The following ZMAT4 variants were observed in gnomAD, a reference collection of about 807,000 sequenced individuals.
ZMAT4 encodes zinc finger matrin-type 4, also known as zinc finger matrin-type protein 4.
Under a neutral mutation model 28.7 loss-of-function variants are expected in ZMAT4, and 17 were observed. That is an observed-to-expected ratio of 0.59 (90% CI 0.41 to 0.89). The LOEUF is 0.89. Among genes scored for constraint, ZMAT4 ranks in the 40% least tolerant of loss-of-function variants. The probability of loss-of-function intolerance (pLI) is 0.00; values close to 1 mark genes in which losing one functional copy is unlikely to be tolerated. For missense variants in ZMAT4, 240 were observed against 283.8 expected (o/e 0.85, Z 1.11); for synonymous variants, 117 against 109.2 (o/e 1.07, Z -0.44).
intron 5 of ZMAT4, among the ~76,000 whole-genome samples, chr8:40,608,699 C>T (rs1274470238): frequency 6.6e-6 from 1 of 152,190 alleles, no homozygotes; most frequent in East Asian, 1.9e-4. Flanking sequence ...CCCCAAGGAT[C>T]CCTGTGAGAC....
intron 5 of ZMAT4, among the ~76,000 whole-genome samples, chr8:40,610,752 C>T (rs1805764244): frequency 6.6e-6 from 1 of 151,788 alleles, no homozygotes; most frequent in Non-Finnish European, 1.5e-5. Context: ...AGAGATGATG[C>T]CTCATGCCCT....
At chr8:40,547,999 G>T (rs752466985) in intron 6 of ZMAT4, among the ~76,000 whole-genome samples, 1 of 152,186 alleles carries the variant, frequency 6.6e-6, no homozygotes, top group Non-Finnish European at 1.5e-5. Context: ...GCATGTGGTT[G>T]TCAGGGGAAG....
chr8:40,677,986 A>C lies in ZMAT4; in HGVS notation c.350-3055T>G, dbSNP rs1326185373. ...TGTGTCCAGACTGTGCCCCAGATCA[A>C]TTGTATCAAAAACTCTGGGGGTGGG... is the stretch of plus-strand genomic sequence containing the variant. On this transcript the variant is annotated intron_variant, in intron 4 of 6. Coordinates refer to ENST00000297737, the MANE Select transcript of ZMAT4 (RefSeq NM_024645.3). Among the ~76,000 whole-genome samples the C allele has an allele frequency of 2.6e-5, 4 of 152,286 alleles. No individual in the cohort carries two copies. In the East Asian group the frequency reaches 7.7e-4, roughly 29 times the overall value.
intron 2 of ZMAT4, among the ~76,000 whole-genome samples, chr8:40,804,942 G>A (rs1333272635): frequency 6.6e-6 from 1 of 151,444 alleles, no homozygotes; most frequent in Non-Finnish European, 1.5e-5. Flanking sequence ...TATTTCTCAA[G>A]TGTAAGCAAA....
Position 40,698,910 on chromosome 8 carries a change from T to C in ZMAT4, c.193-1509A>G, listed in dbSNP as rs576907034. On this transcript the variant is annotated intron_variant, in intron 3 of 6. Transcript: ENST00000297737. ...GAGGAGGGGCTTTCCCAATAGGTCC[T>C]CTCCTGCTAGGAAATCTAGTAGCCC... Among the ~76,000 whole-genome samples the C allele has an allele frequency of 1.5e-3, 235 of 151,750 alleles. 1 individual carries two copies. Among genetic ancestry groups the C allele is most frequent in the Non-Finnish European group, 4.4e-4 (30 of 67,934 alleles).
rs895130113 is a variant in ZMAT4 at position 40,542,325 on chromosome 8, G to A, written c.675-10087C>T. Among the ~76,000 whole-genome samples, 6 of 152,106 alleles carry A rather than the reference G, an allele frequency of 3.9e-5. No homozygotes were observed. The East Asian group carries it at 9.7e-4, about 24-fold the overall frequency. On this transcript the variant is annotated intron_variant, in intron 6 of 6. Transcript: ENST00000297737. ...TCAGGGAGGACCCTGGCTGGCCTATGAGCGGTAGAAAAAGCAGTAATATGA... is the reference window on the plus strand; with the variant it reads ...TCAGGGAGGACCCTGGCTGGCCTATAAGCGGTAGAAAAAGCAGTAATATGA...
At chr8:40,747,149 A>G (rs1250981791) in intron 3 of ZMAT4, among the ~76,000 whole-genome samples, 1 of 152,236 alleles carries the variant, frequency 6.6e-6, no homozygotes, top group African/African-American at 2.4e-5. Flanking sequence ...TAATGATTTC[A>G]TGATAAAATA....
chr8:40,716,479 G>T (rs1810860514), intron 3 of ZMAT4, among the ~76,000 whole-genome samples: 1 of 152,096 alleles, frequency 6.6e-6, no homozygotes, highest in African/African-American at 2.4e-5. Context: ...ATCACCTGAG[G>T]TCAGGAGTAT....
At position 40,820,909 on chromosome 8, in the gene ZMAT4, G is replaced by GTATGTGTGGGTT. The variant is rs1554564144; in HGVS notation, c.102+4665_102+4666insAACCCACACATA. Among the ~76,000 whole-genome samples the GTATGTGTGGGTT allele has an allele frequency of 2.0e-4, 29 of 146,004 alleles. 1 individual carries two copies. The highest frequency in any genetic ancestry group is 4.1e-4 in the Admixed American group (6 of 14,712). ...TATGTGTTTATGTGTGTGTTTGTGT[G>GTATGTGTGGGTT]TATGTGTGTGGGTGTGTGTAGGAAG... On this transcript the variant is annotated intron_variant, in intron 2 of 6. Coordinates refer to ENST00000297737, the MANE Select transcript of ZMAT4 (RefSeq NM_024645.3).
chr8:40,637,083 A>AAAT (rs1432087154), intron 5 of ZMAT4, among the ~76,000 whole-genome samples: 2 of 119,072 alleles, frequency 1.7e-5, no homozygotes, highest in Non-Finnish European at 3.8e-5. Context: ...AAAAATAATG[A>AAAT]AATAGATTTT....
chr8:40,649,878 G>A (rs938063947), intron 5 of ZMAT4, among the ~76,000 whole-genome samples: 13 of 151,760 alleles, frequency 8.6e-5, no homozygotes, highest in South Asian at 4.2e-4. Context: ...TGAAACCAAC[G>A]AGAACAAAGA....
chr8:40,578,986 T>C (rs1171192736), intron 6 of ZMAT4, among the ~76,000 whole-genome samples: 1 of 152,212 alleles, frequency 6.6e-6, no homozygotes, highest in Non-Finnish European at 1.5e-5. Context: ...TGCCATCTGC[T>C]TTCAGGGTGA....
At chr8:40,545,170 C>T (rs1263378020) in intron 6 of ZMAT4, among the ~76,000 whole-genome samples, 1 of 152,002 alleles carries the variant, frequency 6.6e-6, no homozygotes, top group East Asian at 1.9e-4. Flanking sequence ...TTTTTTCAAG[C>T]AACTGCGCGA....
At chr8:40,852,660 C>T (rs1817154145) in intron 1 of ZMAT4, among the ~76,000 whole-genome samples, 1 of 152,152 alleles carries the variant, frequency 6.6e-6, no homozygotes, top group East Asian at 1.9e-4. Flanking sequence ...TACCAATGAA[C>T]TTTTTGTACT....
chr8:40,824,983 G>T (rs571256252), intron 2 of ZMAT4, among the ~76,000 whole-genome samples: 1 of 152,116 alleles, frequency 6.6e-6, no homozygotes, highest in Non-Finnish European at 1.5e-5. Context: ...GTTGCTCCCC[G>T]ATTCTAAACA....
rs1816347747 is a variant in ZMAT4 at position 40,833,160 on chromosome 8, T to C, written c.-4-7480A>G. ...GAGGATGGGCTGGAAGCAGGGTCTG[T>C]CCTGTCCCCATCACACCTCTCTCCA... On this transcript the variant is annotated intron_variant, in intron 1 of 6. Coordinates refer to ENST00000297737, the MANE Select transcript of ZMAT4 (RefSeq NM_024645.3). Among the ~76,000 whole-genome samples the C allele has an allele frequency of 1.3e-5, 2 of 152,130 alleles. 1 individual carries two copies. Among genetic ancestry groups the C allele is most frequent in the South Asian group, 4.1e-4 (2 of 4,828 alleles).
chr8:40,680,282 G>A (rs979638828), intron 4 of ZMAT4, among the ~76,000 whole-genome samples: 1 of 152,074 alleles, frequency 6.6e-6, no homozygotes, highest in Non-Finnish European at 1.5e-5. Context: ...CTTTCAGTAT[G>A]GCCCCAACCA....
intron 5 of ZMAT4, among the ~76,000 whole-genome samples, chr8:40,646,173 A>C (rs904618918): frequency 6.6e-6 from 1 of 151,988 alleles, no homozygotes; most frequent in Admixed American, 6.5e-5. Flanking sequence ...ACTTATAATT[A>C]ATGTAACTAC....
intron 6 of ZMAT4, among the ~76,000 whole-genome samples, chr8:40,560,750 A>G (rs1554520600): frequency 6.6e-6 from 1 of 152,100 alleles, no homozygotes; most frequent in Non-Finnish European, 1.5e-5. Context: ...TATGACTTCG[A>G]GACTACAAGT....
Sources: gnomAD v4.1 joint callset for allele counts (sites outside exome capture counted in the v4.1 genomes callset) on GRCh38, gnomAD v4.1.1 for gene constraint, MANE v1.5 for transcripts, NCBI Gene and HGNC (gene_info 2026-07-23, HGNC 2026-07-21) for gene names.